PKIB: variants seen among roughly 807,000 people sequenced by gnomAD.
PKIB encodes the protein cAMP-dependent protein kinase inhibitor beta.
A neutral mutation model predicts 4.5 loss-of-function variants in PKIB; 2 were observed. The ratio of observed to expected loss-of-function variants is 0.44; its 90% CI spans 0.18 to 1.39. The LOEUF is 1.39. Among genes scored for constraint, PKIB ranks in the 40% most tolerant of loss-of-function variants. The probability of loss-of-function intolerance (pLI) is 0.27; values close to 1 mark genes in which losing one functional copy is unlikely to be tolerated. For missense variants in PKIB, 94 were observed against 92.6 expected (o/e 1.02, Z -0.06); for synonymous variants, 38 against 36.0 (o/e 1.06, Z -0.20).
chr6:122,551,922 A>G (rs1382014099), intron 2 of PKIB, among the ~76,000 whole-genome samples: 2 of 76,612 alleles, frequency 2.6e-5, no homozygotes, highest in Non-Finnish European at 5.1e-5. Context: ...CAGTATGTTT[A>G]TTAAAGCAAC....
intron 3 of PKIB, among the ~76,000 whole-genome samples, chr6:122,699,578 G>C (rs1179978148): frequency 6.6e-6 from 1 of 152,150 alleles, no homozygotes; most frequent in Non-Finnish European, 1.5e-5. Context: ...TGGAGAAGCA[G>C]TGGGGATAAT....
chr6:122,669,486 T>C (rs1269222877), intron 2 of PKIB, among the ~76,000 whole-genome samples: 1 of 152,180 alleles, frequency 6.6e-6, no homozygotes, highest in Non-Finnish European at 1.5e-5. Context: ...CCTTTGCTGA[T>C]TACTGCTGCT....
chr6:122,715,720 CAT>C (rs1348268909), intron 3 of PKIB, among the ~76,000 whole-genome samples: 1 of 151,262 alleles, frequency 6.6e-6, no homozygotes, highest in East Asian at 1.9e-4. Context: ...TGTATATACA[CAT>C]ATTTTTCCCC....
intron 3 of PKIB, among the ~76,000 whole-genome samples, chr6:122,702,720 A>G (rs1043444767): frequency 1.3e-5 from 2 of 152,144 alleles, no homozygotes; most frequent in Non-Finnish European, 2.9e-5. Context: ...AACGGTAAAC[A>G]ATGGGATCAG....
chr6:122,624,479 C>T (rs1160470561), intron 1 of PKIB, among the ~76,000 whole-genome samples: 1 of 152,080 alleles, frequency 6.6e-6, no homozygotes, highest in Non-Finnish European at 1.5e-5. Flanking sequence ...ATCCTTAAAA[C>T]TTAAAAGAAA....
intron 2 of PKIB, among the ~76,000 whole-genome samples, chr6:122,543,161 C>T (rs912085242): frequency 4.6e-5 from 7 of 152,190 alleles, no homozygotes; most frequent in South Asian, 4.1e-4. Context: ...ACCCCTTGCG[C>T]GTCCCGAGTG....
chr6:122,666,427 CA>C (rs1185396471), intron 2 of PKIB, among the ~76,000 whole-genome samples: 1 of 150,428 alleles, frequency 6.6e-6, no homozygotes. Context: ...ACTTCAAAAA[CA>C]TTTTTTAAAA....
chr6:122,576,689 A>AAAAATATATATATATATAT (rs1345822382), intron 2 of PKIB, among the ~76,000 whole-genome samples: 2 of 34,316 alleles, frequency 5.8e-5, no homozygotes, highest in African/African-American at 1.3e-4. Flanking sequence ...AAAAAAAAAA[A>AAAAATATATATATATATAT]ATATATATAT....
chr6:122,638,623 T>A (rs547436102), intron 2 of PKIB, among the ~76,000 whole-genome samples: 13 of 152,334 alleles, frequency 8.5e-5, no homozygotes, highest in Admixed American at 5.2e-4. Flanking sequence ...CAGCCATTCA[T>A]CTCTTGCCTT....
chr6:122,564,882 C>T (rs1773139812), intron 2 of PKIB, among the ~76,000 whole-genome samples: 1 of 152,064 alleles, frequency 6.6e-6, no homozygotes, highest in Non-Finnish European at 1.5e-5. Flanking sequence ...GTTAGGGTTT[C>T]TCTGGAAGAA....
chr6:122,520,587 C>G (rs1312946166), intron 2 of PKIB, among the ~76,000 whole-genome samples: 1 of 152,014 alleles, frequency 6.6e-6, no homozygotes, highest in African/African-American at 2.4e-5. Context: ...TGATTCTTCT[C>G]CTCTAGGGAA....
At chr6:122,601,912 GTGT>G (rs1774381795) in intron 3 of PKIB, among the ~76,000 whole-genome samples, 2 of 152,082 alleles carry the variant, frequency 1.3e-5, no homozygotes, top group African/African-American at 4.8e-5. Flanking sequence ...CCTTAACCCA[GTGT>G]TGTTTAAGGG....
In PKIB at chr6:122,476,231, A is replaced by T. The variant is rs559592390; in HGVS notation, c.-336-1620A>T. Among the ~76,000 whole-genome samples, 399 of 152,324 alleles carry T rather than the reference A, an allele frequency of 2.6e-3. 4 individuals carry two copies. Among genetic ancestry groups the T allele is most frequent in the African/African-American group, 9.1e-3 (377 of 41,580 alleles). On this transcript the variant is annotated intron_variant, in intron 1 of 6. Transcript: ENST00000392491. ...ATATAAAAAGTATTTTATGGCTTTTATCCTAAATTAGTTATATCTTAAATG... is the reference window on the plus strand; with the variant it reads ...ATATAAAAAGTATTTTATGGCTTTTTTCCTAAATTAGTTATATCTTAAATG...
chr6:122,680,717 A>G (rs894543031), intron 3 of PKIB, among the ~76,000 whole-genome samples: 1 of 152,184 alleles, frequency 6.6e-6, no homozygotes, highest in South Asian at 2.1e-4. Flanking sequence ...CTGAGCTCCA[A>G]CATGTCTGAG....
At chr6:122,723,685 A>C (rs1273867270) in intron 4 of PKIB, among the ~76,000 whole-genome samples, 3 of 151,966 alleles carry the variant, frequency 2.0e-5, no homozygotes, top group Non-Finnish European at 4.4e-5. Flanking sequence ...TGTGCTTGGA[A>C]TGCTCTTCTC....
intron 2 of PKIB, among the ~76,000 whole-genome samples, chr6:122,553,477 T>G (rs892876622): frequency 9.1e-5 from 10 of 110,230 alleles, no homozygotes; most frequent in African/African-American, 3.3e-5. Flanking sequence ...TGCTCAAATA[T>G]CTTCTTTTTT....
intron 2 of PKIB, among the ~76,000 whole-genome samples, chr6:122,507,686 G>T (rs1582664972): frequency 1.3e-5 from 2 of 150,720 alleles, no homozygotes; most frequent in East Asian, 1.9e-4. Flanking sequence ...TTTTTTTTTG[G>T]AATTTTGTTT....
chr6:122,554,132 G>A (rs1772769618), intron 2 of PKIB, among the ~76,000 whole-genome samples: 3 of 152,124 alleles, frequency 2.0e-5, no homozygotes. Context: ...CTACAGAGCT[G>A]GCATTTCCCT....
intron 2 of PKIB, among the ~76,000 whole-genome samples, chr6:122,650,492 T>C (rs1776508157): frequency 6.6e-6 from 1 of 152,242 alleles, no homozygotes; most frequent in Admixed American, 6.5e-5. Context: ...AGAAACACCA[T>C]GATCAACTAG....
Sources: allele counts gnomAD v4.1 joint callset (sites outside exome capture counted in the v4.1 genomes callset), GRCh38; gene constraint gnomAD v4.1.1; transcripts MANE v1.5; gene names NCBI Gene and HGNC (gene_info 2026-07-23, HGNC 2026-07-21).